ERBB3: variants seen among roughly 807,000 people sequenced by gnomAD.
ERBB3 encodes erb-b2 receptor tyrosine kinase 3, also known as receptor tyrosine-protein kinase erbB-3.
In ERBB3, 96 loss-of-function variants were observed where a neutral mutation model predicts 156.7. The observed-to-expected ratio is 0.61, with a 90% CI of 0.52 to 0.73. ERBB3 has a LOEUF of 0.73. ERBB3 is among the 30% of genes least tolerant of loss of function. The pLI, the probability that ERBB3 is intolerant of heterozygous loss-of-function variation, is 0.00. For synonymous variants in ERBB3, 567 were observed against 632.0 expected (o/e 0.90, Z 1.54); for missense variants, 1,406 against 1,709.4 (o/e 0.82, Z 3.13).
At chr12:56,081,251 C>T (rs1868350959) in intron 1 of ERBB3, among the ~76,000 whole-genome samples, 1 of 152,224 alleles carries the variant, frequency 6.6e-6, no homozygotes, top group African/African-American at 2.4e-5. Flanking sequence ...TATTGTCTGA[C>T]ACTGTCTCTA....
In ERBB3 at chr12:56,099,999, A is replaced by G; in HGVS notation, c.3099A>G (p.Leu1033=). Residue 1033 remains leucine (L), a synonymous_variant, in exon 25 of 28, where the codon CTA becomes CTG. Coordinates refer to ENST00000267101, the MANE Select transcript of ERBB3 (RefSeq NM_001982.4). ...ATTTLGSALS[L]PVGTLNRPRG... The stretch of plus-strand genomic sequence containing the variant: ...CCACACTGGGCTCCGCCCTCAGCCT[A>G]CCAGTTGGAACACTTAATCGGCCAC... 1 of 1,614,224 alleles carries G rather than the reference A, an allele frequency of 6.2e-7. No individual in the cohort carries two copies. The highest frequency in any genetic ancestry group is 1.1e-5 in the South Asian group (1 of 91,080).
At chr12:56,085,275 C>T (rs762050460) in intron 3 of ERBB3, 94 bp downstream of exon 3, 68 of 1,603,944 alleles carry the variant, frequency 4.2e-5, no homozygotes, top group Non-Finnish European at 5.4e-5. Context: ...ACTCTAAGTG[C>T]CTCTTCCAAG....
chr12:56,086,590 A>G lies in ERBB3; in HGVS notation c.481A>G (p.Ile161Val), dbSNP rs188795493. The G allele has an allele frequency of 1.2e-5, 20 of 1,614,068 alleles. No homozygotes were observed. In the Admixed American group the frequency reaches 3.3e-4, roughly 27 times the overall value. Residue 161 changes from isoleucine to valine, a missense_variant, in exon 4 of 28, where the codon ATT becomes GTT. By Grantham distance (29) the Ile-to-Val change is conservative (BLOSUM62 3). Coordinates refer to ENST00000267101, the MANE Select transcript of ERBB3 (RefSeq NM_001982.4). ...KNDKLCHMDT[I>V]DWRDIVRDRD... ...CGATAAGCTTTGTCACATGGACACAATTGACTGGAGGGACATCGTGAGGGA... is the reference window on the plus strand; with the variant it reads ...CGATAAGCTTTGTCACATGGACACAGTTGACTGGAGGGACATCGTGAGGGA...
Position 56,101,186 on chromosome 12 carries a change from G to A in ERBB3, c.3327G>A (p.Gln1109=). The change falls in exon 27 of 28, where the codon CAG becomes CAA. Residue 1109 remains glutamine, a synonymous_variant. Transcript: ENST00000267101. ...TAACAGGCTCTGAGGCTGAGCTCCA[G>A]GAGAAAGTGTCAATGTGTAGGAGCC... ...GHVTGSEAEL[Q]EKVSMCRSRS... 1.9e-6 allele frequency: 3 copies of A among 1,614,132 alleles called. No individual in the cohort carries two copies. Among genetic ancestry groups the A allele is most frequent in the Non-Finnish European group, 1.7e-6 (2 of 1,180,026 alleles).
Position 56,092,996 on chromosome 12 carries a change from C to T in ERBB3, c.1194C>T (p.Asn398=), listed in dbSNP as rs1322382796. The T allele has an allele frequency of 6.2e-7, 1 of 1,613,970 alleles. No homozygotes were observed. The highest frequency in any genetic ancestry group is 1.3e-5 in the African/African-American group (1 of 74,950). ...TCTCCAACCCCTCAGGTTACCTGAA[C>T]ATCCAGTCCTGGCCGCCCCACATGC... ...RTVREITGYL[N]IQSWPPHMHN... The change falls in exon 11 of 28, where the codon AAC becomes AAT. Residue 398 remains asparagine, a synonymous_variant. Transcript: ENST00000267101.
At chr12:56,083,989 G>A in intron 2 of ERBB3, 87 bp downstream of exon 2, 1 of 1,334,940 alleles carries the variant, frequency 7.5e-7, no homozygotes, top group Non-Finnish European at 1.1e-6. Context: ...ACCTTCTGCT[G>A]GAGTTCACCC....
Position 56,085,137 on chromosome 12 carries a change from A to C in ERBB3, c.377A>C (p.Asn126Thr), listed in dbSNP as rs2136788532. ...TTCGTCATGTTGAACTATAACACCA[A>C]CTCCAGCCACGCTCTGCGCCAGCTC... Reference protein sequence around the residue: ...AIFVMLNYNTNSSHALRQLRL... With the variant: ...AIFVMLNYNTTSSHALRQLRL... Residue 126 changes from asparagine (N) to threonine (T), a missense_variant, in exon 3 of 28, where the codon AAC becomes ACC. By Grantham distance (65) the Asn-to-Thr change is moderately conservative. This residue lies in a region of ERBB3 where 979 missense variants were observed against 1,219.6 expected (regional missense o/e 0.80). Transcript: ENST00000267101. 1 of 1,612,832 alleles carries C rather than the reference A, an allele frequency of 6.2e-7. No homozygotes were observed. The highest frequency in any genetic ancestry group is 8.5e-7 in the Non-Finnish European group (1 of 1,179,686).
At position 56,089,027 on chromosome 12, in the gene ERBB3, A is replaced by C; in HGVS notation, c.1109+159A>C. ...TGAAAGAATGCTTAACACATCCTCC[A>C]TCCAGGCCTTCGGTCCCCTCAGGAA... On this transcript the variant is annotated intron_variant, in intron 9 of 27. Transcript: ENST00000267101. 6 of 948,822 alleles carry C rather than the reference A, an allele frequency of 6.3e-6. No homozygotes were observed. In the South Asian group the frequency reaches 7.9e-5, roughly 13 times the overall value. The allele number at this position is 948,822 out of a possible 1,614,324, so 58.8% of individuals were successfully genotyped here.
In ERBB3 at chr12:56,080,321, G is replaced by C; in HGVS notation, c.21G>C (p.Leu7=). The change falls in exon 1 of 28, where the codon CTG becomes CTC. Residue 7 remains leucine (L), a synonymous_variant. Coordinates refer to ENST00000267101, the MANE Select transcript of ERBB3 (RefSeq NM_001982.4). ...GAGTCATGAGGGCGAACGACGCTCTGCAGGTGCTGGGCTTGCTTTTCAGCC... is the reference window on the plus strand; with the variant it reads ...GAGTCATGAGGGCGAACGACGCTCTCCAGGTGCTGGGCTTGCTTTTCAGCC... MRANDA[L]QVLGLLFSLA... 1 of 1,581,626 alleles carries C rather than the reference G, an allele frequency of 6.3e-7. No homozygotes were observed. The highest frequency in any genetic ancestry group is 1.8e-5 in the Admixed American group (1 of 55,576).
chr12:56,102,831 A>AAC lies in ERBB3; in HGVS notation c.*777_*778insCA, dbSNP rs1555212774. 9.3e-6 allele frequency: 2 copies of AAC among 215,572 alleles called. No homozygotes were observed. The highest frequency in any genetic ancestry group is 2.3e-5 in the African/African-American group (1 of 43,982). The allele number at this position is 215,572 out of a possible 1,614,324, so 13.4% of individuals were successfully genotyped here. On this transcript the variant is annotated 3_prime_UTR_variant, in exon 28 of 28. Coordinates refer to ENST00000267101, the MANE Select transcript of ERBB3 (RefSeq NM_001982.4). Reference sequence around the variant, plus strand: ...TAAAAAAAAAAAAAAAAAAAAAAAAAAAACTTTAGAACTGGGTGCAGTGGC... The same window carrying AAC: ...TAAAAAAAAAAAAAAAAAAAAAAAAAACAAACTTTAGAACTGGGTGCAGTGGC...
intron 26 of ERBB3, 144 bp from the exon 27 acceptor site, chr12:56,100,917 C>G: frequency 1.5e-6 from 1 of 673,424 alleles, no homozygotes; most frequent in Non-Finnish European, 2.3e-6. Flanking sequence ...CCAGCCTGGG[C>G]GACAAGAACA....
At chr12:56,098,245 A>G in intron 21 of ERBB3, 4 of 413,396 alleles carry the variant, frequency 9.7e-6, no homozygotes. Flanking sequence ...TCTACTAAAT[A>G]TACAAAAAAA....
chr12:56,096,810 C>T lies in ERBB3; in HGVS notation c.2238C>T (p.Asp746=). ...CAGTCTGCATTAAAGTCATTGAGGA[C>T]AAGAGTGGACGGCAGAGTTTTCAAG... ...KIPVCIKVIE[D]KSGRQSFQAV... The change falls in exon 19 of 28, where the codon GAC becomes GAT. Residue 746 remains aspartate, a synonymous_variant. Transcript: ENST00000267101. 1.2e-6 allele frequency: 2 copies of T among 1,613,896 alleles called. No individual in the cohort carries two copies. The highest frequency in any genetic ancestry group is 1.7e-6 in the Non-Finnish European group (2 of 1,179,848).
At chr12:56,100,942 A>G in intron 26 of ERBB3, 119 bp from the exon 27 acceptor site, 1 of 267,440 alleles carries the variant, frequency 3.7e-6, no homozygotes. Context: ...TCCACCTCAA[A>G]AAAAAAAAAA....
rs1309019406 is a variant in ERBB3, at chr12:56,102,204, A to G, written c.*149A>G. On this transcript the variant is annotated 3_prime_UTR_variant, in exon 28 of 28. Transcript: ENST00000267101. ...CCATTCAATCTTTGGAGGCTTTTAA[A>G]CATTTTGACACAAAATTCTTATGGT... 4.1e-6 allele frequency: 3 copies of G among 725,364 alleles called. No individual in the cohort carries two copies. Among genetic ancestry groups the G allele is most frequent in the Non-Finnish European group, 7.0e-6 (3 of 425,772 alleles). The allele number at this position is 725,364 out of a possible 1,614,324, so 44.9% of individuals were successfully genotyped here.
chr12:56,100,109 A>G, intron 25 of ERBB3, 65 bp from the exon 26 acceptor site: 1 of 1,589,430 alleles, frequency 6.3e-7, no homozygotes, highest in South Asian at 1.1e-5. Flanking sequence ...AACTACTCAA[A>G]GGCCCCCATG....
At position 56,098,594 on chromosome 12, in the gene ERBB3, C is replaced by T; in HGVS notation, c.2692+19C>T. ...AGCTATGGTCAGTGCATCTGGATGC[C>T]CTCTCTACCATCACTGGCCCCAGTT... is the stretch of plus-strand genomic sequence containing the variant. On this transcript the variant is annotated intron_variant, in intron 22 of 27. Coordinates refer to ENST00000267101, the MANE Select transcript of ERBB3 (RefSeq NM_001982.4). 1 of 1,604,428 alleles carries T rather than the reference C, an allele frequency of 6.2e-7. No individual in the cohort carries two copies. The highest frequency in any genetic ancestry group is 1.3e-5 in the African/African-American group (1 of 74,810).
rs757257914 is a variant in ERBB3, at chr12:56,101,922, G to A, written c.3896G>A (p.Gly1299Glu). Reference sequence around the variant, plus strand: ...GAGATGAGAGCTTTTCAGGGGCCTGGACATCAGGCCCCCCATGTCCATTAT... The same window carrying A: ...GAGATGAGAGCTTTTCAGGGGCCTGAACATCAGGCCCCCCATGTCCATTAT... Reference protein sequence around the residue: ...YEEMRAFQGPGHQAPHVHYAR... With the variant: ...YEEMRAFQGPEHQAPHVHYAR... The change falls in exon 28 of 28, where the codon GGA becomes GAA. Residue 1299 changes from glycine (G) to glutamate (E), a missense_variant. Physicochemically the swap from Gly to Glu is moderately conservative, Grantham distance 98. Around this residue, in one of 3 missense-constraint regions of ERBB3, gnomAD observed 415 missense variants for 454.1 expected, o/e 0.91. Transcript: ENST00000267101. The A allele has an allele frequency of 2.3e-5, 37 of 1,613,168 alleles. No homozygotes were observed. The Middle Eastern group carries it at 4.9e-4, about 22-fold the overall frequency.
chr12:56,093,481 A>G lies in ERBB3; in HGVS notation c.1411A>G (p.Thr471Ala), dbSNP rs1301748545. 2.5e-6 allele frequency: 4 copies of G among 1,613,888 alleles called. No homozygotes were observed. The Admixed American group carries it at 5.0e-5, about 20-fold the overall frequency. Residue 471 changes from threonine to alanine, a missense_variant, in exon 12 of 28, where the codon ACC (threonine) becomes GCC (alanine). Coordinates refer to ENST00000267101, the MANE Select transcript of ERBB3 (RefSeq NM_001982.4). The stretch of plus-strand genomic sequence containing the variant: ...CTGCTACCACCACTCTTTGAACTGG[A>G]CCAAGGTGCTTCGGGGGCCTACGGA... The part of the protein sequence containing the change: ...QLCYHHSLNW[T>A]KVLRGPTEER...
Sources: gnomAD v4.1 joint callset for allele counts (sites outside exome capture counted in the v4.1 genomes callset) on GRCh38, gnomAD v4.1.1 for gene constraint, gnomAD v4.1.1 regional missense constraint, MANE v1.5 for transcripts, NCBI Gene and HGNC (gene_info 2026-07-23, HGNC 2026-07-21) for gene names.